The following MYT1L variants were observed in gnomAD, a reference collection of about 807,000 sequenced individuals.
The protein encoded by MYT1L is myelin transcription factor 1 like.
MYT1L carries 12 observed loss-of-function variants against 126.7 expected under a neutral mutation model. The observed-to-expected ratio is 0.09, with a 90% confidence interval of 0.06 to 0.15. The LOEUF is 0.15. Ranked by LOEUF, MYT1L falls within the 10% of genes least tolerant of loss-of-function variation. MYT1L has a pLI of 1.00. For missense variants in MYT1L, 979 were observed against 1,585.2 expected (o/e 0.62, Z 6.49); for synonymous variants, 541 against 604.2 (o/e 0.90, Z 1.53).
chr2:2,162,892 G>A (rs183256905), intron 3 of MYT1L, among the ~76,000 whole-genome samples: 6 of 152,194 alleles, frequency 3.9e-5, no homozygotes, highest in Non-Finnish European at 5.9e-5. Flanking sequence ...ATCAGTGCTC[G>A]CAGTAACTTG....
intron 3 of MYT1L, among the ~76,000 whole-genome samples, chr2:2,153,119 G>A (rs1361801112): frequency 1.3e-5 from 2 of 152,154 alleles, no homozygotes; most frequent in African/African-American, 4.8e-5. Flanking sequence ...ACAAAATAGT[G>A]AGTCCCTGTC....
chr2:1,850,167 TTCCCC>T (rs1378520900), intron 19 of MYT1L, among the ~76,000 whole-genome samples: 12 of 86,348 alleles, frequency 1.4e-4, no homozygotes, highest in Non-Finnish European at 2.4e-4. Context: ...TTCCCTTCCC[TTCCCC>T]TCCCCCTCCC....
At position 2,163,779 on chromosome 2, in the gene MYT1L, A is replaced by G. The variant is rs187921533; in HGVS notation, c.-304+9093T>C. Among the ~76,000 whole-genome samples, 3 of 151,992 alleles carry G rather than the reference A, an allele frequency of 2.0e-5. No individual in the cohort carries two copies. In the East Asian group the frequency reaches 5.8e-4, roughly 29 times the overall value. The stretch of plus-strand genomic sequence containing the variant: ...GAAAGAAACAAAACAACACAAACAA[A>G]AAGACTTCGACCTCCTGTGCTGTCA... On this transcript the variant is annotated intron_variant, in intron 3 of 24. Transcript: ENST00000647738.
chr2:1,847,901 C>T (rs1323103631), intron 19 of MYT1L, among the ~76,000 whole-genome samples: 2 of 152,090 alleles, frequency 1.3e-5, no homozygotes, highest in Non-Finnish European at 2.9e-5. Flanking sequence ...AAAACACCAC[C>T]GCTAAGAGGC....
At chr2:2,168,582 T>C (rs2089532729) in intron 3 of MYT1L, among the ~76,000 whole-genome samples, 1 of 152,210 alleles carries the variant, frequency 6.6e-6, no homozygotes, top group Non-Finnish European at 1.5e-5. Flanking sequence ...ACAATAGACA[T>C]AGCAAACAAT....
intron 1 of MYT1L, chr2:2,326,945 G>A (rs1339329895): frequency 6.6e-6 from 1 of 152,166 alleles, no homozygotes; most frequent in Non-Finnish European, 1.5e-5. Context: ...GCAGAAGAGA[G>A]AGAAAGGAAA....
intron 1 of MYT1L, among the ~76,000 whole-genome samples, chr2:2,301,644 T>A (rs1430137536): frequency 6.6e-6 from 1 of 151,768 alleles, no homozygotes; most frequent in Non-Finnish European, 1.5e-5. Context: ...GCCTGGGCAT[T>A]ATAGTGAGAC....
chr2:1,959,635 C>G (rs1168281744), intron 8 of MYT1L, among the ~76,000 whole-genome samples: 2 of 152,204 alleles, frequency 1.3e-5, no homozygotes, highest in African/African-American at 4.8e-5. Flanking sequence ...TGGGAAGCCC[C>G]TGGCTACCTG....
At chr2:1,838,536 G>A (rs778540369) in intron 21 of MYT1L, among the ~76,000 whole-genome samples, 1 of 152,194 alleles carries the variant, frequency 6.6e-6, no homozygotes, top group Non-Finnish European at 1.5e-5. Context: ...GCTGAGGGAC[G>A]CTGAGTGTAA....
intron 21 of MYT1L, among the ~76,000 whole-genome samples, chr2:1,818,782 G>A (rs1264134205): frequency 3.9e-5 from 6 of 152,284 alleles, no homozygotes; most frequent in Admixed American, 3.9e-4. Context: ...GGGAAGCAAT[G>A]GCATCGTGGT....
chr2:2,086,208 A>G (rs1320682131), intron 3 of MYT1L, among the ~76,000 whole-genome samples: 1 of 152,214 alleles, frequency 6.6e-6, no homozygotes, highest in Non-Finnish European at 1.5e-5. Context: ...ACATGCTGTT[A>G]GGAAGAGATG....
At chr2:2,328,165 GA>G (rs1209680110) in intron 1 of MYT1L, among the ~76,000 whole-genome samples, 1 of 152,052 alleles carries the variant, frequency 6.6e-6, no homozygotes, top group Non-Finnish European at 1.5e-5. Flanking sequence ...GTAACAAATA[GA>G]AAAACTTTAC....
chr2:2,180,967 C>T (rs1309222289), intron 2 of MYT1L, among the ~76,000 whole-genome samples: 2 of 119,284 alleles, frequency 1.7e-5, no homozygotes. Context: ...CACCTGTAAC[C>T]GTACCTGTGT....
chr2:1,954,724 T>C (rs1310796535), intron 8 of MYT1L, among the ~76,000 whole-genome samples: 4 of 152,124 alleles, frequency 2.6e-5, no homozygotes, highest in Non-Finnish European at 5.9e-5. Context: ...CCTTGAATGA[T>C]AGTAATTACA....
chr2:2,000,367 A>C (rs2062247168), intron 4 of MYT1L, among the ~76,000 whole-genome samples: 1 of 152,216 alleles, frequency 6.6e-6, no homozygotes, highest in African/African-American at 2.4e-5. Flanking sequence ...CAGAGGCAGA[A>C]ATTTCCTCTG....
chr2:2,274,936 C>A (rs1231197757), intron 2 of MYT1L, among the ~76,000 whole-genome samples: 1 of 152,066 alleles, frequency 6.6e-6, no homozygotes, highest in South Asian at 2.1e-4. Flanking sequence ...TCAGCAAACA[C>A]GTATTGATCC....
Position 2,059,253 on chromosome 2 carries a change from C to T in MYT1L, c.-303-5130G>A, listed in dbSNP as rs371360851. The stretch of plus-strand genomic sequence containing the variant: ...TTCTTACTCTGGGTGAGGGCATCAA[C>T]GGGGTCGCAACTGCTTTTCGCAGGA... On this transcript the variant is annotated intron_variant, in intron 3 of 24. Transcript: ENST00000647738. The surrounding 1 kb of genome is among the most constrained non-coding windows in gnomAD (Gnocchi z 4.7). 1.3e-5 allele frequency among the ~76,000 whole-genome samples: 2 copies of T among 152,142 alleles called. No individual in the cohort carries two copies. Among genetic ancestry groups the T allele is most frequent in the South Asian group, 2.1e-4 (1 of 4,828 alleles).
At chr2:2,308,599 A>G (rs1245368335) in intron 1 of MYT1L, among the ~76,000 whole-genome samples, 1 of 151,900 alleles carries the variant, frequency 6.6e-6, no homozygotes, top group Non-Finnish European at 1.5e-5. Context: ...ACTTCAGTAC[A>G]TTATACCCAT....
chr2:1,917,973 C>A lies in MYT1L; in HGVS notation c.1484-634G>T, dbSNP rs984174633. Among the ~76,000 whole-genome samples, 4 of 152,076 alleles carry A rather than the reference C, an allele frequency of 2.6e-5. No individual in the cohort carries two copies. Among genetic ancestry groups the A allele is most frequent in the Non-Finnish European group, 5.9e-5 (4 of 68,024 alleles). On this transcript the variant is annotated intron_variant, in intron 10 of 24. Transcript: ENST00000647738. The surrounding 1 kb of genome is among the most constrained non-coding windows in gnomAD (Gnocchi z 5.9). ...TGGAAAGCCCACCTGACAGAGGTGACGGGTAATCAACATGTTTCAGAAGCC... is the reference window on the plus strand; with the variant it reads ...TGGAAAGCCCACCTGACAGAGGTGAAGGGTAATCAACATGTTTCAGAAGCC...
Sources: gnomAD v4.1 joint callset for allele counts (sites outside exome capture counted in the v4.1 genomes callset) on GRCh38, gnomAD v4.1.1 for gene constraint, Gnocchi (gnomAD v3.1) non-coding constraint, MANE v1.5 for transcripts, NCBI Gene and HGNC (gene_info 2026-07-23, HGNC 2026-07-21) for gene names.